Variants in SKA1 observed in about 807,000 individuals in gnomAD.
SKA1 encodes the protein SKA complex subunit 1.
A neutral mutation model predicts 31.8 loss-of-function variants in SKA1; 20 were observed. The ratio of observed to expected loss-of-function variants is 0.63; its 90% CI spans 0.44 to 0.91. SKA1 has a LOEUF of 0.91. SKA1 is among the 40% of genes least tolerant of loss of function. The pLI is 0.00. For synonymous variants in SKA1, 88 were observed against 100.5 expected (o/e 0.88, Z 0.74); for missense variants, 253 against 298.2 (o/e 0.85, Z 1.12).
Position 50,382,122 on chromosome 18 carries a change from AT to A in SKA1, c.214-3del. ...GAGACTTATTTGTGAGCACTTTTAA[AT>A]TTTAGGAACTCTGTGAATCTCTTGA... On this transcript the variant is annotated splice_polypyrimidine_tract_variant and splice_region_variant and intron_variant, in intron 3 of 6. Transcript: ENST00000285116. 6.7e-7 allele frequency: 1 copy of A among 1,495,172 alleles called. No homozygotes were observed. Among genetic ancestry groups the A allele is most frequent in the South Asian group, 1.3e-5 (1 of 77,632 alleles). The allele number at this position is 1,495,172 out of a possible 1,614,324, so 92.6% of individuals were successfully genotyped here.
chr18:50,383,862 A>AATCTC (rs1463171227), intron 4 of SKA1, among the ~76,000 whole-genome samples: 2 of 152,214 alleles, frequency 1.3e-5, no homozygotes, highest in Non-Finnish European at 2.9e-5. Flanking sequence ...CTCACAGTGG[A>AATCTC]ATCTCATATG....
At position 50,392,869 on chromosome 18, in the gene SKA1, A is replaced by ACAGGCAC. The variant is rs2041370669; in HGVS notation, c.*624_*630dup. ...CTCAGCCTCCTGAGTAGCTGGGACT[A>ACAGGCAC]CAGGCACCTGCCACCACGCCCAGCT... On this transcript the variant is annotated 3_prime_UTR_variant, in exon 7 of 7. Transcript: ENST00000285116. 6.6e-6 allele frequency: 1 copy of ACAGGCAC among 151,204 alleles called. No individual in the cohort carries two copies. Among genetic ancestry groups the ACAGGCAC allele is most frequent in the East Asian group, 2.0e-4 (1 of 5,052 alleles). The allele number at this position is 151,204 out of a possible 1,614,324, so 9.4% of individuals were successfully genotyped here. A position where few individuals can be genotyped will look rare whatever the true frequency, so the allele number is the denominator to read the frequency against.
rs767764526 is a variant in SKA1, at chr18:50,385,358, G to A, written c.449+5G>A. The A allele has an allele frequency of 1.3e-6, 2 of 1,587,668 alleles. No homozygotes were observed. Among genetic ancestry groups the A allele is most frequent in the Non-Finnish European group, 1.7e-6 (2 of 1,167,180 alleles). ...TGAGTTCAATGGTGTTCCTTCGTAAGTATTTAAGATAAATAATGTTCAACC... is the reference window on the plus strand; with the variant it reads ...TGAGTTCAATGGTGTTCCTTCGTAAATATTTAAGATAAATAATGTTCAACC... On this transcript the variant is annotated splice_donor_5th_base_variant and intron_variant, in intron 5 of 6. Transcript: ENST00000285116.
chr18:50,377,663 C>A (rs1942542), intron 2 of SKA1, among the ~76,000 whole-genome samples: 110,020 of 152,094 alleles, frequency 0.72, 39,931 homozygotes, highest in East Asian at 0.81. Flanking sequence ...GGGAGGGTAA[C>A]GGTTTATTGG....
chr18:50,388,580 T>A (rs2149322737), intron 5 of SKA1, among the ~76,000 whole-genome samples: 1 of 152,282 alleles, frequency 6.6e-6, no homozygotes, highest in East Asian at 1.9e-4. Flanking sequence ...TCAGGCTTTT[T>A]AGGGGTACTG....
chr18:50,375,553 T>G (rs976797574), intron 1 of SKA1, among the ~76,000 whole-genome samples: 19 of 152,222 alleles, frequency 1.2e-4, no homozygotes, highest in African/African-American at 3.9e-4. Flanking sequence ...GCGTTTGTCC[T>G]CCTGAATCCT....
Position 50,392,228 on chromosome 18 carries a change from C to G in SKA1, c.749C>G (p.Thr250Ser). Residue 250 changes from threonine (T) to serine (S), a missense_variant, in exon 7 of 7, where the codon ACT becomes AGT. Physicochemically the swap from Thr to Ser is moderately conservative, Grantham distance 58 (BLOSUM62 1). Transcript: ENST00000285116. ...RLSEVRGGGL[T>S]RYVIT ...TCAGAGGTCCGAGGGGGAGGACTTA[C>G]TCGTTATGTTATAACCTGAGTCCCT... The G allele has an allele frequency of 6.3e-7, 1 of 1,593,314 alleles. No homozygotes were observed.
chr18:50,385,103 A>G, intron 4 of SKA1, 113 bp from the exon 5 acceptor site: 1 of 812,942 alleles, frequency 1.2e-6, no homozygotes, highest in Non-Finnish European at 1.8e-6. Flanking sequence ...TGTTGGCAAT[A>G]AGATTATAAC....
intron 4 of SKA1, among the ~76,000 whole-genome samples, chr18:50,383,951 C>T (rs2041282602): frequency 6.6e-6 from 1 of 152,180 alleles, no homozygotes; most frequent in Non-Finnish European, 1.5e-5. Flanking sequence ...CACACCACCT[C>T]AGTGAGGCTG....
In SKA1 at chr18:50,392,350, T is replaced by C. The variant is rs2041364663; in HGVS notation, c.*103T>C. On this transcript the variant is annotated 3_prime_UTR_variant, in exon 7 of 7. Coordinates refer to ENST00000285116, the MANE Select transcript of SKA1 (RefSeq NM_145060.4). ...TTTTTAACTTTTAATCTTTTTTGTT[T>C]CCTTTTTTTTTTTTTTGAGACAGGA... The C allele has an allele frequency of 1.3e-6, 1 of 790,426 alleles. No homozygotes were observed. Among genetic ancestry groups the C allele is most frequent in the Admixed American group, 4.4e-5 (1 of 22,964 alleles). 49.0% of individuals were successfully genotyped at this position (790,426 alleles called of 1,614,324 possible).
intron 3 of SKA1, among the ~76,000 whole-genome samples, chr18:50,380,676 T>G (rs1723681376): frequency 6.6e-6 from 1 of 152,256 alleles, no homozygotes; most frequent in Non-Finnish European, 1.5e-5. Flanking sequence ...CATATTGAAC[T>G]GTTTCTTAGC....
Position 50,375,181 on chromosome 18 carries a change from C to G in SKA1, c.-25C>G, listed in dbSNP as rs2041203884. On this transcript the variant is annotated 5_prime_UTR_variant, in exon 1 of 7. Transcript: ENST00000285116. ...CCAGCGGCGAGTAGCCTTTTGCTCCCGGACGGACTTGAGGTTGGAGTCTGT... is the reference window on the plus strand; with the variant it reads ...CCAGCGGCGAGTAGCCTTTTGCTCCGGGACGGACTTGAGGTTGGAGTCTGT... 6.6e-6 allele frequency: 1 copy of G among 152,512 alleles called. No homozygotes were observed. Among genetic ancestry groups the G allele is most frequent in the Non-Finnish European group, 1.5e-5 (1 of 68,280 alleles). The allele number at this position is 152,512 out of a possible 1,614,324, so 9.4% of individuals were successfully genotyped here.
chr18:50,382,072 T>C, intron 3 of SKA1, 57 bp from the exon 4 acceptor site: 1 of 1,043,496 alleles, frequency 9.6e-7, no homozygotes, highest in South Asian at 1.5e-5. Flanking sequence ...CTTTAGAATA[T>C]CTTAAAACAC....
chr18:50,385,044 C>T (rs1310450441), intron 4 of SKA1, among the ~76,000 whole-genome samples, 172 bp from the exon 5 acceptor site: 1 of 149,796 alleles, frequency 6.7e-6, no homozygotes, highest in Non-Finnish European at 1.5e-5. Flanking sequence ...TTCAACATTT[C>T]CTTCACCGTT....
In SKA1 at chr18:50,385,326, C is replaced by T; in HGVS notation, c.422C>T (p.Thr141Ile). The T allele has an allele frequency of 1.9e-6, 3 of 1,613,222 alleles. No homozygotes were observed. Among genetic ancestry groups the T allele is most frequent in the Non-Finnish European group, 2.5e-6 (3 of 1,179,552 alleles). The change falls in exon 5 of 7, where the codon ACT becomes ATT. Residue 141 changes from threonine (T) to isoleucine (I), a missense_variant. Transcript: ENST00000285116. ...AGTATTAAGGAAATGCCATTTATAA[C>T]TTGTGATGAGTTCAATGGTGTTCCT... Reference protein sequence around the residue: ...QRSIKEMPFITCDEFNGVPSY... With the variant: ...QRSIKEMPFIICDEFNGVPSY...
intron 6 of SKA1, among the ~76,000 whole-genome samples, 188 bp downstream of exon 6, chr18:50,391,481 G>A (rs2041356720): frequency 6.6e-6 from 1 of 152,148 alleles, no homozygotes; most frequent in Non-Finnish European, 1.5e-5. Flanking sequence ...GGTGCTCCTG[G>A]CATCTAGTAG....
At chr18:50,379,135 G>T (rs973419358) in intron 2 of SKA1, among the ~76,000 whole-genome samples, 4 of 152,296 alleles carry the variant, frequency 2.6e-5, no homozygotes, top group Non-Finnish European at 5.9e-5. Context: ...CAGATGGGAA[G>T]CTTCAATTAT....
chr18:50,376,042 A>AT, intron 2 of SKA1, 124 bp downstream of exon 2: 1 of 583,538 alleles, frequency 1.7e-6, no homozygotes, highest in Non-Finnish European at 3.0e-6. Flanking sequence ...TTGCATAACG[A>AT]TTTTTTAAAT....
intron 1 of SKA1, 129 bp from the exon 2 acceptor site, chr18:50,375,691 C>A: frequency 1.6e-6 from 1 of 610,858 alleles, no homozygotes; most frequent in Non-Finnish European, 2.9e-6. Context: ...AGAAATTGCT[C>A]TTGAATTTTT....
Sources: allele counts gnomAD v4.1 joint callset (sites outside exome capture counted in the v4.1 genomes callset), GRCh38; gene constraint gnomAD v4.1.1; transcripts MANE v1.5; gene names NCBI Gene and HGNC (gene_info 2026-07-23, HGNC 2026-07-21).